The following PPHLN1 variants were observed in gnomAD, a reference collection of about 807,000 sequenced individuals.
PPHLN1 encodes the protein periphilin-1.
A neutral mutation model predicts 51.3 loss-of-function variants in PPHLN1; 29 were observed. The ratio of observed to expected loss-of-function variants is 0.57; its 90% CI spans 0.42 to 0.77. The LOEUF (loss-of-function observed/expected upper bound fraction) is 0.77. PPHLN1 is among the 30% of genes least tolerant of loss of function. The probability of loss-of-function intolerance (pLI) is 0.00; values close to 1 mark genes in which losing one functional copy is unlikely to be tolerated. For synonymous variants in PPHLN1, 147 were observed against 147.8 expected (o/e 0.99, Z 0.04); for missense variants, 436 against 438.4 (o/e 0.99, Z 0.05).
intron 9 of PPHLN1, among the ~76,000 whole-genome samples, chr12:42,423,154 G>C (rs1322381953): frequency 2.6e-5 from 4 of 152,000 alleles, no homozygotes. Context: ...TTGCCAACTG[G>C]ACAAATCAAG....
intron 9 of PPHLN1, among the ~76,000 whole-genome samples, chr12:42,435,208 C>G (rs563610898): frequency 3.8e-4 from 58 of 152,142 alleles, no homozygotes; most frequent in Admixed American, 9.8e-4. Flanking sequence ...ATAAATTGGT[C>G]TGTATTTGTG....
At chr12:42,395,513 T>A (rs1393828776) in intron 8 of PPHLN1, among the ~76,000 whole-genome samples, 3 of 152,194 alleles carry the variant, frequency 2.0e-5, no homozygotes, top group Non-Finnish European at 4.4e-5. Context: ...CTTTAGCTTA[T>A]TAATATTTTG....
At chr12:42,335,392 G>GT (rs1246703480) in intron 1 of PPHLN1, among the ~76,000 whole-genome samples, 1 of 151,942 alleles carries the variant, frequency 6.6e-6, no homozygotes, top group African/African-American at 2.4e-5. Context: ...ACTTTTTTCA[G>GT]TTAAAAACAC....
intron 9 of PPHLN1, among the ~76,000 whole-genome samples, chr12:42,425,917 C>G (rs939628713): frequency 2.0e-5 from 3 of 152,092 alleles, no homozygotes; most frequent in African/African-American, 7.2e-5. Context: ...TCAAAAGAAA[C>G]TAAGGAAGAA....
At position 42,403,064 on chromosome 12, in the gene PPHLN1, C is replaced by T. The variant is rs906869325; in HGVS notation, c.909+4070C>T. Among the ~76,000 whole-genome samples the T allele has an allele frequency of 1.8e-4, 27 of 152,298 alleles. 1 individual carries two copies. Among genetic ancestry groups the T allele is most frequent in the African/African-American group, 5.8e-4 (24 of 41,580 alleles). ...AATAATCAGCTTTTAGCATATGATG[C>T]ATTCCAATGAAATTGTTTTCAAAGT... On this transcript the variant is annotated intron_variant, in intron 9 of 9. Coordinates refer to ENST00000358314, the MANE Select transcript of PPHLN1 (RefSeq NM_201439.2).
chr12:42,398,175 G>A (rs758830789), intron 8 of PPHLN1, among the ~76,000 whole-genome samples: 4 of 151,946 alleles, frequency 2.6e-5, no homozygotes, highest in Non-Finnish European at 4.4e-5. Flanking sequence ...CCACCTGACC[G>A]TTTTAGACAT....
At chr12:42,418,324 C>G (rs1247545314) in intron 9 of PPHLN1, among the ~76,000 whole-genome samples, 1 of 148,502 alleles carries the variant, frequency 6.7e-6, no homozygotes, top group Admixed American at 6.8e-5. Flanking sequence ...ATGAGCACTG[C>G]AGAATATTTT....
chr12:42,333,636 C>T (rs1251274220), intron 1 of PPHLN1, among the ~76,000 whole-genome samples: 13 of 152,070 alleles, frequency 8.5e-5, no homozygotes, highest in Non-Finnish European at 1.6e-4. Context: ...GCGCCCGCCA[C>T]CACGCCCAGC....
intron 9 of PPHLN1, among the ~76,000 whole-genome samples, chr12:42,437,400 G>A (rs955232286): frequency 1.3e-5 from 2 of 152,240 alleles, no homozygotes; most frequent in South Asian, 2.1e-4. Flanking sequence ...TGAGTGTTCT[G>A]TATTATCTTA....
rs761480102 is a variant in PPHLN1 at position 42,351,902 on chromosome 12, A to AGTC, written c.92_93insCGT (p.Val31dup). The AGTC allele has an allele frequency of 1.9e-6, 3 of 1,576,666 alleles. No homozygotes were observed. The highest frequency in any genetic ancestry group is 2.6e-6 in the Non-Finnish European group (3 of 1,167,642). On this transcript the variant is annotated inframe_insertion, in exon 3 of 10. Transcript: ENST00000358314. The stretch of plus-strand genomic sequence containing the variant: ...TGTTTTAGGATGGCTACAATAGACT[A>AGTC]GTTAATATTGTGCCAAAGAAACCAC...
chr12:42,417,027 G>A (rs942316985), intron 9 of PPHLN1, among the ~76,000 whole-genome samples: 1 of 152,158 alleles, frequency 6.6e-6, no homozygotes, highest in Non-Finnish European at 1.5e-5. Flanking sequence ...GGATTAGATT[G>A]GCTATACAGA....
At position 42,355,223 on chromosome 12, in the gene PPHLN1, G is replaced by GGACATGAGAGATGGCTT; in HGVS notation, c.299+1_299+2insGACATGAGAGATGGCTT. 6.2e-7 allele frequency: 1 copy of GGACATGAGAGATGGCTT among 1,611,678 alleles called. No individual in the cohort carries two copies. Among genetic ancestry groups the GGACATGAGAGATGGCTT allele is most frequent in the Non-Finnish European group, 8.5e-7 (1 of 1,178,040 alleles). ...CTGCAAGCAGGCAACCTGAATACAGGTAAAAGGATAAAAATAATAGCATAA... is the reference window on the plus strand; with the variant it reads ...CTGCAAGCAGGCAACCTGAATACAGGGACATGAGAGATGGCTTTAAAAGGATAAAAATAATAGCATAA... On this transcript the variant is annotated splice_donor_variant, in intron 4 of 9. Coordinates refer to ENST00000358314, the MANE Select transcript of PPHLN1 (RefSeq NM_201439.2). LOFTEE classifies it high-confidence loss of function.
chr12:42,349,714 G>A (rs368142290), intron 2 of PPHLN1, among the ~76,000 whole-genome samples: 8 of 152,160 alleles, frequency 5.3e-5, no homozygotes, highest in South Asian at 4.2e-4. Context: ...CAGAGAGCAC[G>A]GGGTTGGGGG....
intron 9 of PPHLN1, among the ~76,000 whole-genome samples, chr12:42,404,248 G>T (rs2079086983): frequency 6.6e-6 from 1 of 152,124 alleles, no homozygotes; most frequent in South Asian, 2.1e-4. Flanking sequence ...AATATTTTAG[G>T]CTGGGCACAG....
intron 4 of PPHLN1, among the ~76,000 whole-genome samples, chr12:42,358,390 G>T (rs1404160121): frequency 1.3e-5 from 2 of 151,544 alleles, no homozygotes; most frequent in Non-Finnish European, 2.9e-5. Context: ...TTGTTTAATT[G>T]AGTCTTTTTT....
intron 1 of PPHLN1, among the ~76,000 whole-genome samples, chr12:42,333,547 A>G (rs958998094): frequency 3.3e-5 from 5 of 151,730 alleles, no homozygotes; most frequent in African/African-American, 1.2e-4. Context: ...CAGTGGCACA[A>G]TCTTAGCTCA....
At chr12:42,350,641 G>C (rs187562606) in intron 2 of PPHLN1, among the ~76,000 whole-genome samples, 3 of 152,104 alleles carry the variant, frequency 2.0e-5, no homozygotes, top group Non-Finnish European at 2.9e-5. Flanking sequence ...TGTAGCGAGC[G>C]GAGATCACGC....
At chr12:42,391,826 A>G (rs1418382994) in intron 7 of PPHLN1, among the ~76,000 whole-genome samples, 1 of 152,144 alleles carries the variant, frequency 6.6e-6, no homozygotes, top group African/African-American at 2.4e-5. Context: ...CTTCATATAG[A>G]TATATTGCTA....
At chr12:42,352,755 A>G in intron 3 of PPHLN1, among the ~76,000 whole-genome samples, 1 of 152,112 alleles carries the variant, frequency 6.6e-6, no homozygotes, top group East Asian at 1.9e-4. Flanking sequence ...ATTAACTGAG[A>G]TTAGAAAGCA....
Sources: allele counts gnomAD v4.1 joint callset (sites outside exome capture counted in the v4.1 genomes callset), GRCh38; gene constraint gnomAD v4.1.1; transcripts MANE v1.5; gene names NCBI Gene and HGNC (gene_info 2026-07-23, HGNC 2026-07-21).